Variants in ZNF462 observed in about 807,000 individuals in gnomAD.
ZNF462 encodes zinc finger protein 462.
Under a neutral mutation model 201.9 loss-of-function variants are expected in ZNF462, and 10 were observed. The ratio of observed to expected loss-of-function variants is 0.05; its 90% CI spans 0.03 to 0.08. The LOEUF is 0.08. ZNF462 is among the 10% of genes least tolerant of loss of function. The probability of loss-of-function intolerance (pLI) is 1.00; values close to 1 mark genes in which losing one functional copy is unlikely to be tolerated. For missense variants in ZNF462, 2,523 were observed against 3,168.3 expected (o/e 0.80, Z 4.89); for synonymous variants, 1,227 against 1,193.3 (o/e 1.03, Z -0.58).
At chr9:106,990,861 G>A (rs919997500) in intron 10 of ZNF462, among the ~76,000 whole-genome samples, 6 of 151,888 alleles carry the variant, frequency 4.0e-5, no homozygotes, top group African/African-American at 1.2e-4. Flanking sequence ...AAAGACTTTT[G>A]TAAGTAAAGA....
At chr9:106,971,508 G>A (rs1250757310) in intron 7 of ZNF462, among the ~76,000 whole-genome samples, 4 of 151,166 alleles carry the variant, frequency 2.6e-5, no homozygotes, top group Non-Finnish European at 5.9e-5. Flanking sequence ...AGTTCCTCCC[G>A]GCATGCATTC....
In ZNF462 at chr9:106,970,314, A is replaced by T. The variant is rs1005986298; in HGVS notation, c.6428-1691A>T. 2.0e-5 allele frequency among the ~76,000 whole-genome samples: 3 copies of T among 152,184 alleles called. 1 individual carries two copies. ...TACAATTTCCAAAGGGGTTTTTCTC[A>T]ATCTTGAGGAATATGAATTGAGGAG... On this transcript the variant is annotated intron_variant, in intron 7 of 12. Coordinates refer to ENST00000277225, the MANE Select transcript of ZNF462 (RefSeq NM_021224.6). This position sits in a 1 kb window ranked among gnomAD's most constrained non-coding sequence, Gnocchi z 4.2.
chr9:106,908,910 C>CATATATACATATAT (rs1458619122), intron 1 of ZNF462, among the ~76,000 whole-genome samples: 43 of 43,988 alleles, frequency 9.8e-4, no homozygotes, highest in African/African-American at 4.6e-3. Flanking sequence ...CCCATATATA[C>CATATATACATATAT]ATATATATAT....
chr9:106,999,880 G>T (rs1829051884), intron 10 of ZNF462, among the ~76,000 whole-genome samples: 1 of 152,086 alleles, frequency 6.6e-6, no homozygotes, highest in African/African-American at 2.4e-5. Context: ...GGCCAGTGGG[G>T]GTTCAGCTGT....
intron 1 of ZNF462, among the ~76,000 whole-genome samples, chr9:106,900,901 G>A (rs1438853891): frequency 6.6e-6 from 1 of 152,012 alleles, no homozygotes; most frequent in Admixed American, 6.6e-5. Flanking sequence ...TTAGGTCCCA[G>A]CGATTTATCT....
chr9:106,926,240 C>T lies in ZNF462; in HGVS notation c.2328C>T (p.Asn776=), dbSNP rs1191078968. The part of the protein sequence containing the change: ...SEPQKEPNFR[N]ITHDYNATNG... ...CCCAGAAAGAGCCCAACTTCAGAAA[C>T]ATCACCCACGATTACAATGCCACCA... Residue 776 remains asparagine (N), a synonymous_variant, in exon 3 of 13, where the codon AAC becomes AAT. Coordinates refer to ENST00000277225, the MANE Select transcript of ZNF462 (RefSeq NM_021224.6). This position sits in a 1 kb window ranked among gnomAD's most constrained non-coding sequence, Gnocchi z 7.9. 6.2e-7 allele frequency: 1 copy of T among 1,614,194 alleles called. No individual in the cohort carries two copies. Among genetic ancestry groups the T allele is most frequent in the Non-Finnish European group, 8.5e-7 (1 of 1,180,030 alleles).
At chr9:106,943,852 G>A (rs139509665) in intron 7 of ZNF462, among the ~76,000 whole-genome samples, 2 of 152,206 alleles carry the variant, frequency 1.3e-5, no homozygotes, top group East Asian at 3.9e-4. Flanking sequence ...AATTACACAG[G>A]CTGAGTTTAT....
rs572541480 is a variant in ZNF462 at position 106,934,550 on chromosome 9, A to G, written c.6117-953A>G. ...AAGAAGAGAATTTGTTTTGTAGAAA[A>G]CTCTCTGATGGGTTTGTTTAGAACA... On this transcript the variant is annotated intron_variant, in intron 5 of 12. Transcript: ENST00000277225. 5.3e-5 allele frequency among the ~76,000 whole-genome samples: 8 copies of G among 152,254 alleles called. No individual in the cohort carries two copies. In the South Asian group the frequency reaches 1.7e-3, roughly 32 times the overall value.
intron 1 of ZNF462, among the ~76,000 whole-genome samples, chr9:106,898,090 A>T (rs192116601): frequency 2.6e-5 from 4 of 152,320 alleles, no homozygotes; most frequent in African/African-American, 9.6e-5. Flanking sequence ...TTTATATTTA[A>T]TGTGCATGGA....
In ZNF462 at chr9:107,011,894, A is replaced by C; in HGVS notation, c.*864A>C. The C allele has an allele frequency of 6.6e-6, 1 of 152,084 alleles. No homozygotes were observed. The highest frequency in any genetic ancestry group is 1.9e-4 in the East Asian group (1 of 5,188). 9.4% of individuals were successfully genotyped at this position (152,084 alleles called of 1,614,324 possible). ...GAATTTGGTAGATTCATGTGAGCTA[A>C]TTTTAAGGTGATTGTGGAGTTTTGT... is the stretch of plus-strand genomic sequence containing the variant. On this transcript the variant is annotated 3_prime_UTR_variant, in exon 13 of 13. Coordinates refer to ENST00000277225, the MANE Select transcript of ZNF462 (RefSeq NM_021224.6). This position sits in a 1 kb window ranked among gnomAD's most constrained non-coding sequence, Gnocchi z 5.6.
At chr9:106,994,023 T>C (rs1828497150) in intron 10 of ZNF462, among the ~76,000 whole-genome samples, 1 of 152,160 alleles carries the variant, frequency 6.6e-6, no homozygotes, top group Non-Finnish European at 1.5e-5. Flanking sequence ...CAATACCTTG[T>C]TAGTGTTCTT....
chr9:106,989,980 C>T (rs754625136), intron 10 of ZNF462, among the ~76,000 whole-genome samples: 1 of 151,962 alleles, frequency 6.6e-6, no homozygotes, highest in Non-Finnish European at 1.5e-5. Context: ...TTTATCTTTT[C>T]AAAGAACCAC....
Position 107,005,374 on chromosome 9 carries a change from G to C in ZNF462, c.7189+1948G>C, listed in dbSNP as rs1829474800. On this transcript the variant is annotated intron_variant, in intron 11 of 12. Transcript: ENST00000277225. This position sits in a 1 kb window ranked among gnomAD's most constrained non-coding sequence, Gnocchi z 4.4. ...CTTATCTCCACATTCTCTCTAGCATGTTATCTTCACTCTTTTTGATAATAG... is the reference window on the plus strand; with the variant it reads ...CTTATCTCCACATTCTCTCTAGCATCTTATCTTCACTCTTTTTGATAATAG... Among the ~76,000 whole-genome samples the C allele has an allele frequency of 6.6e-6, 1 of 152,186 alleles. No homozygotes were observed. Among genetic ancestry groups the C allele is most frequent in the Non-Finnish European group, 1.5e-5 (1 of 68,026 alleles).
intron 1 of ZNF462, among the ~76,000 whole-genome samples, chr9:106,864,039 GCTCTCTCTCT>G (rs773917122): frequency 2.9e-3 from 66 of 22,750 alleles, no homozygotes; most frequent in Middle Eastern, 0.026. Flanking sequence ...CAGGTATTTG[GCTCTCTCTCT>G]CTCTCTCTCT....
At position 106,919,299 on chromosome 9, in the gene ZNF462, G is replaced by C. The variant is rs145005578; in HGVS notation, c.-30-4055G>C. 2.0e-5 allele frequency among the ~76,000 whole-genome samples: 3 copies of C among 152,178 alleles called. No individual in the cohort carries two copies. Among genetic ancestry groups the C allele is most frequent in the Admixed American group, 2.0e-4 (3 of 15,282 alleles). On this transcript the variant is annotated intron_variant, in intron 1 of 12. Coordinates refer to ENST00000277225, the MANE Select transcript of ZNF462 (RefSeq NM_021224.6). The surrounding 1 kb of genome is among the most constrained non-coding windows in gnomAD (Gnocchi z 4.5). The stretch of plus-strand genomic sequence containing the variant: ...TACAATGTCAACACCTCCCCGCTCC[G>C]GTTACGTCTGAGCAGTGAGTTGGAA...
In ZNF462 at chr9:106,872,872, CAT is replaced by C. The variant is rs908769198; in HGVS notation, c.-31+9519_-31+9520del. On this transcript the variant is annotated intron_variant, in intron 1 of 12. Coordinates refer to ENST00000277225, the MANE Select transcript of ZNF462 (RefSeq NM_021224.6). This position sits in a 1 kb window ranked among gnomAD's most constrained non-coding sequence, Gnocchi z 4.5. The stretch of plus-strand genomic sequence containing the variant: ...TGCTGTCTTCCCTCGTGGACTGACT[CAT>C]AGTTAATACTGGACAACGGTTTTTA... 6.6e-6 allele frequency among the ~76,000 whole-genome samples: 1 copy of C among 152,160 alleles called. No homozygotes were observed. The highest frequency in any genetic ancestry group is 2.4e-5 in the African/African-American group (1 of 41,430).
chr9:106,980,101 A>G (rs1207813997), intron 9 of ZNF462, among the ~76,000 whole-genome samples: 1 of 152,060 alleles, frequency 6.6e-6, no homozygotes, highest in South Asian at 2.1e-4. Context: ...TTCTCCAAAT[A>G]CCTTTGCCTG....
Position 106,923,848 on chromosome 9 carries a change from A to G in ZNF462, c.220+245A>G, listed in dbSNP as rs1830081662. Among the ~76,000 whole-genome samples the G allele has an allele frequency of 6.6e-6, 1 of 152,184 alleles. No individual in the cohort carries two copies. The highest frequency in any genetic ancestry group is 2.1e-4 in the South Asian group (1 of 4,824). On this transcript the variant is annotated intron_variant, in intron 2 of 12. Coordinates refer to ENST00000277225, the MANE Select transcript of ZNF462 (RefSeq NM_021224.6). This position sits in a 1 kb window ranked among gnomAD's most constrained non-coding sequence, Gnocchi z 5.6. Reference sequence around the variant, plus strand: ...AGATAGTTGCTTGGAAAGTTCTAGAAAAAGTAGTACAATTTATGCAACTTG... The same window carrying G: ...AGATAGTTGCTTGGAAAGTTCTAGAGAAAGTAGTACAATTTATGCAACTTG...
At position 106,890,231 on chromosome 9, in the gene ZNF462, A is replaced by G. The variant is rs191319532; in HGVS notation, c.-31+26876A>G. Among the ~76,000 whole-genome samples the G allele has an allele frequency of 6.6e-6, 1 of 152,336 alleles. No individual in the cohort carries two copies. The highest frequency in any genetic ancestry group is 6.5e-5 in the Admixed American group (1 of 15,310). On this transcript the variant is annotated intron_variant, in intron 1 of 12. Coordinates refer to ENST00000277225, the MANE Select transcript of ZNF462 (RefSeq NM_021224.6). This position sits in a 1 kb window ranked among gnomAD's most constrained non-coding sequence, Gnocchi z 4.2. The stretch of plus-strand genomic sequence containing the variant: ...TTTCGTGGCCTTGACTGAGCTGTGT[A>G]TGGCCTCACTCTTCAATTCTGTTGT...
Sources: gnomAD v4.1 joint callset for allele counts (sites outside exome capture counted in the v4.1 genomes callset) on GRCh38, gnomAD v4.1.1 for gene constraint, Gnocchi (gnomAD v3.1) non-coding constraint, MANE v1.5 for transcripts, NCBI Gene and HGNC (gene_info 2026-07-23, HGNC 2026-07-21) for gene names.